CELF3: variants seen among roughly 807,000 people sequenced by gnomAD.
CELF3 encodes CAG repeat domain.
CELF3 carries 26 observed loss-of-function variants against 59.6 expected under a neutral mutation model. That is an observed-to-expected ratio of 0.44 (90% confidence interval 0.32 to 0.61). CELF3 has a LOEUF of 0.61. CELF3 is among the 20% of genes least tolerant of loss of function. The pLI, the probability that CELF3 is intolerant of heterozygous loss-of-function variation, is 0.06. For synonymous variants in CELF3, 245 were observed against 250.7 expected (o/e 0.98, Z 0.22); for missense variants, 387 against 627.2 (o/e 0.62, Z 4.09).
intron 12 of CELF3, among the ~76,000 whole-genome samples, chr1:151,704,543 A>G (rs1176487460): frequency 2.0e-5 from 3 of 152,174 alleles, no homozygotes; most frequent in Non-Finnish European, 4.4e-5. Context: ...AATCACCTGA[A>G]GTCCAGGGAA....
intron 5 of CELF3, among the ~76,000 whole-genome samples, 167 bp downstream of exon 5, chr1:151,708,831 C>T (rs1183558131): frequency 6.6e-6 from 1 of 151,972 alleles, no homozygotes; most frequent in East Asian, 1.9e-4. Flanking sequence ...TGGGGAAGTG[C>T]CATTTGAAAT....
At position 151,716,300 on chromosome 1, in the gene CELF3, C is replaced by T. The variant is rs1673473989; in HGVS notation, c.-280G>A. The T allele has an allele frequency of 2.4e-6, 1 of 416,816 alleles. No homozygotes were observed. The highest frequency in any genetic ancestry group is 4.3e-6 in the Non-Finnish European group (1 of 231,472). 25.8% of individuals were successfully genotyped at this position (416,816 alleles called of 1,614,324 possible). On this transcript the variant is annotated 5_prime_UTR_variant, in exon 1 of 13. Coordinates refer to ENST00000290583, the MANE Select transcript of CELF3 (RefSeq NM_007185.7). ...CCCTCCCAGAGATCTGGCAAATGTCCCAGGATGGGGGTGAGTATGGCCAAG... is the reference window on the plus strand; with the variant it reads ...CCCTCCCAGAGATCTGGCAAATGTCTCAGGATGGGGGTGAGTATGGCCAAG...
intron 1 of CELF3, among the ~76,000 whole-genome samples, chr1:151,715,055 C>G (rs1336946000): frequency 6.6e-6 from 1 of 152,086 alleles, no homozygotes; most frequent in African/African-American, 2.4e-5. Flanking sequence ...CATCATCCCT[C>G]TCTTCTCCCA....
At chr1:151,711,241 C>T (rs1672991939) in intron 2 of CELF3, 1 of 199,048 alleles carries the variant, frequency 5.0e-6, no homozygotes, top group Non-Finnish European at 1.0e-5. Context: ...CTCCAGGCTC[C>T]AGCATGTGGA....
rs554843766 is a variant in CELF3, at chr1:151,712,598, T to A, written c.228+1996A>T. On this transcript the variant is annotated intron_variant, in intron 2 of 12. Coordinates refer to ENST00000290583, the MANE Select transcript of CELF3 (RefSeq NM_007185.7). ...CCACCACCTCCATGATGCCACACCC[T>A]GCTCAGAGGACAAATTCAGGGACCT... is the stretch of plus-strand genomic sequence containing the variant. 2.2e-3 allele frequency among the ~76,000 whole-genome samples: 330 copies of A among 152,186 alleles called. 3 individuals are homozygous for A. Among genetic ancestry groups the A allele is most frequent in the Non-Finnish European group, 3.0e-3 (202 of 68,024 alleles).
In CELF3 at chr1:151,705,252, C is replaced by T; in HGVS notation, c.1271-84G>A. The T allele has an allele frequency of 6.9e-7, 1 of 1,440,970 alleles. No individual in the cohort carries two copies. The highest frequency in any genetic ancestry group is 9.4e-7 in the Non-Finnish European group (1 of 1,068,358). 89.3% of individuals were successfully genotyped at this position (1,440,970 alleles called of 1,614,324 possible). On this transcript the variant is annotated intron_variant, in intron 11 of 12. Transcript: ENST00000290583. This position sits in a 1 kb window ranked among gnomAD's most constrained non-coding sequence, Gnocchi z 5.1. ...AGACCTCTGGCACTACCCTGTGTCT[C>T]CCAAGTGTCCCAAATGCCTAGAAAG... is the stretch of plus-strand genomic sequence containing the variant.
At chr1:151,703,561 C>G (rs999506101) in intron 12 of CELF3, 113 bp from the exon 13 acceptor site, 1 of 315,110 alleles carries the variant, frequency 3.2e-6, no homozygotes, top group African/African-American at 2.2e-5. Context: ...GATGGGGCTG[C>G]CTGAGGAAGG....
intron 2 of CELF3, among the ~76,000 whole-genome samples, chr1:151,714,051 C>T (rs1401092645): frequency 1.3e-5 from 2 of 152,208 alleles, no homozygotes; most frequent in Non-Finnish European, 2.9e-5. Flanking sequence ...CTGCCCAGGC[C>T]CTGCTCTACC....
intron 1 of CELF3, 107 bp downstream of exon 1, chr1:151,715,769 T>C (rs1673428516): frequency 1.3e-6 from 2 of 1,595,824 alleles, no homozygotes; most frequent in Non-Finnish European, 8.5e-7. Flanking sequence ...TGAACTCTTC[T>C]CCTTCCACAT....
In CELF3 at chr1:151,712,896, T is replaced by TGCGTGTGCATGCACACACAC. The variant is rs1265583120; in HGVS notation, c.228+1678_228+1697dup. Among the ~76,000 whole-genome samples, 13 of 152,072 alleles carry TGCGTGTGCATGCACACACAC rather than the reference T, an allele frequency of 8.5e-5. No homozygotes were observed. The East Asian group carries it at 2.1e-3, about 25-fold the overall frequency. On this transcript the variant is annotated intron_variant, in intron 2 of 12. Coordinates refer to ENST00000290583, the MANE Select transcript of CELF3 (RefSeq NM_007185.7). ...CAGGAGCTGACACACTGCACACACA[T>TGCGTGTGCATGCACACACAC]GCGTGTGCATGCACACACACTCATG...
chr1:151,715,622 T>C (rs1571940528), intron 1 of CELF3: 1 of 1,468,596 alleles, frequency 6.8e-7, no homozygotes, highest in Admixed American at 2.1e-5. Context: ...AACACACCCA[T>C]ATGTCTGGGA....
chr1:151,706,456 G>T, intron 9 of CELF3, 95 bp from the exon 10 acceptor site: 1 of 1,332,692 alleles, frequency 7.5e-7, no homozygotes, highest in Non-Finnish European at 1.0e-6. Context: ...CCAGGCCAGT[G>T]GCACCTGCAG....
In CELF3 at chr1:151,705,964, G is replaced by C. The variant is rs1385012021; in HGVS notation, c.1128C>G (p.Gly376=). ...QQQQQQQQRE[G]PDGCNIFIYH... ...AGATGAAGATGTTGCAGCCATCAGG[G>C]CCTGGGTGGCGACAGAGACAGAAGA... Residue 376 remains glycine, a splice_region_variant and synonymous_variant, in exon 11 of 13, where the codon GGC becomes GGG. Coordinates refer to ENST00000290583, the MANE Select transcript of CELF3 (RefSeq NM_007185.7). This position sits in a 1 kb window ranked among gnomAD's most constrained non-coding sequence, Gnocchi z 5.1. The C allele has an allele frequency of 1.9e-6, 3 of 1,613,864 alleles. No homozygotes were observed. The Admixed American group carries it at 5.0e-5, about 27-fold the overall frequency.
chr1:151,711,895 C>T (rs1673054360), intron 2 of CELF3: 1 of 152,292 alleles, frequency 6.6e-6, no homozygotes, highest in Non-Finnish European at 1.5e-5. Context: ...CTGGCATAGG[C>T]TCCCAGGCAC....
intron 12 of CELF3, 42 bp downstream of exon 12, chr1:151,704,989 G>A: frequency 1.3e-6 from 2 of 1,575,330 alleles, no homozygotes; most frequent in Non-Finnish European, 1.7e-6. Context: ...TGGCTGCAGT[G>A]TGTGAAGCTG....
rs1283198626 is a variant in CELF3 at position 151,700,231 on chromosome 1, G to C, written c.*3228C>G. Among the ~76,000 whole-genome samples, 2 of 152,168 alleles carry C rather than the reference G, an allele frequency of 1.3e-5. No homozygotes were observed. The highest frequency in any genetic ancestry group is 2.9e-5 in the Non-Finnish European group (2 of 68,036). On this transcript the variant is annotated 3_prime_UTR_variant, in exon 13 of 13. Coordinates refer to ENST00000290583, the MANE Select transcript of CELF3 (RefSeq NM_007185.7). ...ATGGCCATGATACACAGCAGTGAAA[G>C]GTTTAAGTGCCATAAGGACTAGAAA...
intron 2 of CELF3, among the ~76,000 whole-genome samples, chr1:151,712,224 T>A (rs1673084444): frequency 6.6e-6 from 1 of 152,100 alleles, no homozygotes; most frequent in African/African-American, 2.4e-5. Context: ...AAGCCCTCCC[T>A]CGGGCCTCCC....
chr1:151,714,757 C>T, intron 1 of CELF3, 81 bp from the exon 2 acceptor site: 6 of 1,010,360 alleles, frequency 5.9e-6, no homozygotes, highest in Non-Finnish European at 7.6e-6. Flanking sequence ...CTTCCAAAGA[C>T]TGACGACTGG....
chr1:151,714,728 C>G (rs776141970), intron 1 of CELF3, 52 bp from the exon 2 acceptor site: 1 of 1,281,716 alleles, frequency 7.8e-7, no homozygotes, highest in Admixed American at 2.0e-5. Context: ...TCCTCCATCT[C>G]CCCTCTCTGA....
Sources: gnomAD v4.1 joint callset for allele counts (sites outside exome capture counted in the v4.1 genomes callset) on GRCh38, gnomAD v4.1.1 for gene constraint, Gnocchi (gnomAD v3.1) non-coding constraint, MANE v1.5 for transcripts, NCBI Gene and HGNC (gene_info 2026-07-23, HGNC 2026-07-21) for gene names.